EPB41L4A: variants seen among roughly 807,000 people sequenced by gnomAD.
EPB41L4A encodes the protein band 4.1-like protein 4A.
In EPB41L4A, 100 loss-of-function variants were observed where a neutral mutation model predicts 108.6. That is an observed-to-expected ratio of 0.92 (90% confidence interval 0.78 to 1.09). The LOEUF (loss-of-function observed/expected upper bound fraction) is 1.09. EPB41L4A is among the 50% of genes least tolerant of loss of function. The probability of loss-of-function intolerance (pLI) is 0.00; values close to 1 mark genes in which losing one functional copy is unlikely to be tolerated. For missense variants in EPB41L4A, 1,030 were observed against 842.7 expected, an observed-to-expected ratio of 1.22 and a Z score of -2.75; for synonymous variants, 319 against 289.0, an observed-to-expected ratio of 1.10 and a Z score of -1.05.
At chr5:112,266,444 C>A (rs890211801) in intron 4 of EPB41L4A, 114 bp from the exon 5 acceptor site, 2 of 670,406 alleles carry the variant, frequency 3.0e-6, no homozygotes, top group Admixed American at 3.2e-5. Flanking sequence ...AATAAAGTCA[C>A]CCCCCATTCT....
chr5:112,266,566 C>T lies in EPB41L4A; in HGVS notation c.336-236G>A, dbSNP rs75022726. Among the ~76,000 whole-genome samples, 674 of 152,330 alleles carry T rather than the reference C, an allele frequency of 4.4e-3. 9 individuals are homozygous for T. Among genetic ancestry groups the T allele is most frequent in the African/African-American group, 0.016 (656 of 41,566 alleles). On this transcript the variant is annotated intron_variant, in intron 4 of 22. Coordinates refer to ENST00000261486, the MANE Select transcript of EPB41L4A (RefSeq NM_022140.5). The stretch of plus-strand genomic sequence containing the variant: ...TCAAGTTCAACTGCTTGGCTTACTT[C>T]CCAGCCCCAGCATTCAGTACCTCTG...
chr5:112,146,328 TTC>T (rs1298872871), intron 12 of EPB41L4A, among the ~76,000 whole-genome samples: 3 of 152,212 alleles, frequency 2.0e-5, no homozygotes, highest in Non-Finnish European at 4.4e-5. Flanking sequence ...ACAGCTGCAA[TTC>T]TCTTTCAGTG....
intron 1 of EPB41L4A, among the ~76,000 whole-genome samples, chr5:112,323,877 A>G (rs997015822): frequency 2.0e-5 from 3 of 152,236 alleles, no homozygotes; most frequent in African/African-American, 7.2e-5. Flanking sequence ...CCAGATTAGC[A>G]TTAGATTTCT....
chr5:112,171,091 GC>G, intron 18 of EPB41L4A, 99 bp from the exon 19 acceptor site: 1 of 1,070,772 alleles, frequency 9.3e-7, no homozygotes, highest in South Asian at 1.4e-5. Context: ...GTTCTTATTT[GC>G]CAGCTGAGAA....
intron 19 of EPB41L4A, among the ~76,000 whole-genome samples, 182 bp downstream of exon 19, chr5:112,170,763 G>T (rs1175378694): frequency 1.3e-5 from 2 of 152,220 alleles, no homozygotes; most frequent in Non-Finnish European, 2.9e-5. Flanking sequence ...AGGGTTGCCT[G>T]TAGATAGGTG....
chr5:112,313,694 C>CA (rs1476048820), intron 1 of EPB41L4A, among the ~76,000 whole-genome samples: 2 of 151,712 alleles, frequency 1.3e-5, no homozygotes, highest in Non-Finnish European at 2.9e-5. Context: ...TAGTCATTAC[C>CA]TTTTTTTGCT....
chr5:112,305,675 C>T, intron 2 of EPB41L4A, among the ~76,000 whole-genome samples: 1 of 152,104 alleles, frequency 6.6e-6, no homozygotes, highest in East Asian at 1.9e-4. Context: ...TCAGACAATA[C>T]ATGTGAACAT....
At chr5:112,265,974 A>T (rs1393774995) in intron 5 of EPB41L4A, among the ~76,000 whole-genome samples, 1 of 152,234 alleles carries the variant, frequency 6.6e-6, no homozygotes, top group Non-Finnish European at 1.5e-5. Context: ...ACAGATTGTT[A>T]GACCCTCCAC....
chr5:112,392,448 T>C (rs1343541438), intron 1 of EPB41L4A, among the ~76,000 whole-genome samples: 1 of 143,964 alleles, frequency 6.9e-6, no homozygotes, highest in African/African-American at 2.6e-5. Context: ...TCCTAGTCTC[T>C]AATAAAACAG....
At chr5:112,240,591 T>C (rs1749704240) in intron 10 of EPB41L4A, 128 bp downstream of exon 10, 5 of 583,606 alleles carry the variant, frequency 8.6e-6, no homozygotes, top group Non-Finnish European at 1.5e-5. Context: ...ATCCAGAGAA[T>C]TAGGAATTGA....
intron 1 of EPB41L4A, among the ~76,000 whole-genome samples, chr5:112,376,993 C>T (rs1278224934): frequency 2.0e-5 from 3 of 151,958 alleles, no homozygotes; most frequent in African/African-American, 7.3e-5. Context: ...CACTTGAACC[C>T]AGGAGTTGAA....
intron 1 of EPB41L4A, among the ~76,000 whole-genome samples, chr5:112,407,228 C>A (rs1458485182): frequency 6.6e-6 from 1 of 152,130 alleles, no homozygotes; most frequent in Non-Finnish European, 1.5e-5. Flanking sequence ...TGGGATTTTT[C>A]AAGCGTTTGA....
chr5:112,259,430 A>C (rs1374913213), intron 8 of EPB41L4A, 138 bp from the exon 9 acceptor site: 2 of 679,628 alleles, frequency 2.9e-6, no homozygotes, highest in Non-Finnish European at 5.2e-6. Context: ...ATACAGCGAC[A>C]GAGAGATTTC....
intron 12 of EPB41L4A, among the ~76,000 whole-genome samples, chr5:112,211,885 T>G (rs903809505): frequency 1.3e-5 from 2 of 152,188 alleles, no homozygotes; most frequent in African/African-American, 2.4e-5. Flanking sequence ...TTTGGAATCT[T>G]GAAATGAAAA....
At chr5:112,202,689 C>T (rs1038484118) in intron 15 of EPB41L4A, among the ~76,000 whole-genome samples, 6 of 152,066 alleles carry the variant, frequency 3.9e-5, no homozygotes, top group African/African-American at 1.4e-4. Flanking sequence ...CTCTTCTTAA[C>T]CATCAAAGGA....
chr5:112,351,665 A>AAGAGAGAGAC (rs959944465), intron 1 of EPB41L4A, among the ~76,000 whole-genome samples: 2 of 152,140 alleles, frequency 1.3e-5, no homozygotes, highest in Non-Finnish European at 2.9e-5. Flanking sequence ...CAGCAACAAA[A>AAGAGAGAGAC]AGAGAGAGAC....
chr5:112,339,093 C>G (rs1227905564), intron 1 of EPB41L4A, among the ~76,000 whole-genome samples: 1 of 152,084 alleles, frequency 6.6e-6, no homozygotes, highest in Non-Finnish European at 1.5e-5. Flanking sequence ...GAAAAATCAA[C>G]AGGCCTGGCG....
intron 1 of EPB41L4A, among the ~76,000 whole-genome samples, chr5:112,390,176 T>A (rs572498572): frequency 8.3e-4 from 127 of 152,116 alleles, no homozygotes; most frequent in Non-Finnish European, 1.6e-3. Flanking sequence ...GGTACCTGGT[T>A]CATCTATTTG....
intron 12 of EPB41L4A, among the ~76,000 whole-genome samples, chr5:112,229,286 A>G (rs552820302): frequency 6.6e-6 from 1 of 152,370 alleles, no homozygotes; most frequent in Non-Finnish European, 1.5e-5. Context: ...GGCAGAGGTG[A>G]ATAGTTACAT....
Sources: allele counts gnomAD v4.1 joint callset (sites outside exome capture counted in the v4.1 genomes callset), GRCh38; gene constraint gnomAD v4.1.1; transcripts MANE v1.5; gene names NCBI Gene and HGNC (gene_info 2026-07-23, HGNC 2026-07-21).